The following LGALS3 variants were observed in gnomAD, a reference collection of about 807,000 sequenced individuals.
The protein encoded by LGALS3 is galectin 3, also known as galectin-3.
Under a neutral mutation model 20.7 loss-of-function variants are expected in LGALS3, and 18 were observed. The ratio of observed to expected loss-of-function variants is 0.87; its 90% CI spans 0.60 to 1.29. The LOEUF is 1.29. LGALS3 is among the 50% of genes most tolerant of loss of function. The pLI is 0.00. For synonymous variants in LGALS3, 112 were observed against 119.6 expected, an observed-to-expected ratio of 0.94 and a Z score of 0.42; for missense variants, 315 against 314.7, an observed-to-expected ratio of 1.00 and a Z score of -0.01.
intron 1 of LGALS3, 112 bp from the exon 2 acceptor site, chr14:55,137,258 G>A: frequency 2.0e-6 from 2 of 1,016,070 alleles, no homozygotes; most frequent in African/African-American, 1.6e-5. Context: ...ACTGACTTAG[G>A]CATAATGCCT....
At position 55,138,302 on chromosome 14, in the gene LGALS3, TGGACAGCCAAGTGCCACC is replaced by T. The variant is rs1881491471; in HGVS notation, c.280_297del (p.Gln94_Gly99del). 6.2e-7 allele frequency: 1 copy of T among 1,612,562 alleles called. No homozygotes were observed. ...GCGGCCCTGGGGCCTACCCATCTTC[TGGACAGCCAAGTGCCACC>T]GGAGCCTACCCTGCCACTGGCCCCT... On this transcript the variant is annotated inframe_deletion, in exon 3 of 6. Coordinates refer to ENST00000254301, the MANE Select transcript of LGALS3 (RefSeq NM_002306.4).
At chr14:55,131,016 T>C (rs893709297) in intron 1 of LGALS3, among the ~76,000 whole-genome samples, 1 of 152,228 alleles carries the variant, frequency 6.6e-6, no homozygotes, top group African/African-American at 2.4e-5. Flanking sequence ...GGTCTCTCAT[T>C]CTAAAGATGA....
chr14:55,140,520 A>G, intron 4 of LGALS3, 157 bp downstream of exon 4: 1 of 565,850 alleles, frequency 1.8e-6, no homozygotes, highest in Non-Finnish European at 3.1e-6. Context: ...CTATACCATC[A>G]TATAGGATTA....
At chr14:55,130,410 A>C (rs1194242344) in intron 1 of LGALS3, among the ~76,000 whole-genome samples, 3 of 152,104 alleles carry the variant, frequency 2.0e-5, no homozygotes, top group Non-Finnish European at 4.4e-5. Flanking sequence ...GACCTCAGTG[A>C]CTCAGGCTGT....
intron 5 of LGALS3, among the ~76,000 whole-genome samples, chr14:55,143,268 A>G (rs1881692247): frequency 6.6e-6 from 1 of 152,186 alleles, no homozygotes; most frequent in South Asian, 2.1e-4. Flanking sequence ...ATTTGTAAGC[A>G]CTGCTTCAAC....
At chr14:55,142,815 C>A in intron 5 of LGALS3, 66 bp downstream of exon 5, 1 of 1,331,126 alleles carries the variant, frequency 7.5e-7, no homozygotes, top group Non-Finnish European at 1.1e-6. Context: ...TCTAAAACCC[C>A]AAAGCACTTG....
intron 4 of LGALS3, among the ~76,000 whole-genome samples, chr14:55,141,344 TCTAC>T (rs754981636): frequency 6.6e-6 from 1 of 152,166 alleles, no homozygotes; most frequent in African/African-American, 2.4e-5. Flanking sequence ...ATATACATCC[TCTAC>T]CTATGTCCTT....
At chr14:55,138,530 G>T in intron 3 of LGALS3, 162 bp downstream of exon 3, 1 of 806,368 alleles carries the variant, frequency 1.2e-6, no homozygotes, top group Admixed American at 1.7e-5. Flanking sequence ...ATTGTGTGTG[G>T]TTAGTATAAA....
At position 55,130,757 on chromosome 14, in the gene LGALS3, G is replaced by C. The variant is rs982138173; in HGVS notation, c.-5+1457G>C. Among the ~76,000 whole-genome samples, 11 of 149,476 alleles carry C rather than the reference G, an allele frequency of 7.4e-5. No individual in the cohort carries two copies. In the South Asian group the frequency reaches 1.3e-3, roughly 17 times the overall value. Reference sequence around the variant, plus strand: ...TATTTTTCGTGGTGGTGGTGGTGGGGGGGGGGGGGTCCCTCCATGTTGGTC... The same window carrying C: ...TATTTTTCGTGGTGGTGGTGGTGGGCGGGGGGGGGTCCCTCCATGTTGGTC... On this transcript the variant is annotated intron_variant, in intron 1 of 5. Transcript: ENST00000254301.
rs754716493 is a variant in LGALS3, at chr14:55,137,353, A to C, written c.-4-17A>C. Reference sequence around the variant, plus strand: ...TGAAAGCTTTTAGGATAAAATGATAATCTTTGTTTCTTTCAGGAAAATGGC... The same window carrying C: ...TGAAAGCTTTTAGGATAAAATGATACTCTTTGTTTCTTTCAGGAAAATGGC... On this transcript the variant is annotated splice_polypyrimidine_tract_variant and intron_variant, in intron 1 of 5. Transcript: ENST00000254301. 5 of 1,612,164 alleles carry C rather than the reference A, an allele frequency of 3.1e-6. No individual in the cohort carries two copies. The South Asian group carries it at 5.5e-5, about 18-fold the overall frequency.
At position 55,131,859 on chromosome 14, in the gene LGALS3, ATTCC is replaced by A. The variant is rs1327389499; in HGVS notation, c.-5+2560_-5+2563del. Among the ~76,000 whole-genome samples, 8 of 152,314 alleles carry A rather than the reference ATTCC, an allele frequency of 5.3e-5. No individual in the cohort carries two copies. In the South Asian group the frequency reaches 1.7e-3, roughly 32 times the overall value. Reference sequence around the variant, plus strand: ...TCCTAGGAAAGGACCAGTTCCCCTTATTCCAACTTAGCATCACTGAATTTGTCTT... The same window carrying A: ...TCCTAGGAAAGGACCAGTTCCCCTTAAACTTAGCATCACTGAATTTGTCTT... On this transcript the variant is annotated intron_variant, in intron 1 of 5. Coordinates refer to ENST00000254301, the MANE Select transcript of LGALS3 (RefSeq NM_002306.4).
At position 55,138,250 on chromosome 14, in the gene LGALS3, C is replaced by T. The variant is rs749700607; in HGVS notation, c.224C>T (p.Ala75Val). 2 of 1,612,726 alleles carry T rather than the reference C, an allele frequency of 1.2e-6. No homozygotes were observed. Among genetic ancestry groups the T allele is most frequent in the Non-Finnish European group, 1.7e-6 (2 of 1,179,538 alleles). The change falls in exon 3 of 6, where the codon GCA (alanine) becomes GTA (valine). Residue 75 changes from alanine to valine, a missense_variant. Coordinates refer to ENST00000254301, the MANE Select transcript of LGALS3 (RefSeq NM_002306.4). ...CCTGGAGCTTATCCCGGAGCACCTG[C>T]ACCTGGAGTCTACCCAGGGCCACCC... is the stretch of plus-strand genomic sequence containing the variant. ...GAPGAYPGAP[A>V]PGVYPGPPSG...
chr14:55,133,974 T>G (rs1203246124), intron 1 of LGALS3, among the ~76,000 whole-genome samples: 1 of 152,238 alleles, frequency 6.6e-6, no homozygotes, highest in Non-Finnish European at 1.5e-5. Context: ...CGTGTGTACA[T>G]TCATGTAGGG....
intron 4 of LGALS3, among the ~76,000 whole-genome samples, chr14:55,140,633 A>C (rs1881588353): frequency 6.6e-6 from 1 of 152,306 alleles, no homozygotes; most frequent in East Asian, 1.9e-4. Context: ...GTATTATGTC[A>C]GCTAATCTTC....
intron 2 of LGALS3, 162 bp from the exon 3 acceptor site, chr14:55,137,881 GTC>G (rs1881460261): frequency 1.5e-6 from 2 of 1,318,400 alleles, no homozygotes; most frequent in Non-Finnish European, 1.9e-6. Flanking sequence ...TCTAATTTTA[GTC>G]TTAGAAACTC....
At chr14:55,139,939 G>A (rs1486259663) in intron 3 of LGALS3, among the ~76,000 whole-genome samples, 2 of 152,172 alleles carry the variant, frequency 1.3e-5, no homozygotes, top group East Asian at 3.9e-4. Flanking sequence ...AGTAAAGCAT[G>A]TACCATGACA....
At position 55,129,629 on chromosome 14, in the gene LGALS3, T is replaced by G. The variant is rs1171346623; in HGVS notation, c.-5+329T>G. Among the ~76,000 whole-genome samples the G allele has an allele frequency of 6.6e-6, 1 of 152,184 alleles. No individual in the cohort carries two copies. Among genetic ancestry groups the G allele is most frequent in the Non-Finnish European group, 1.5e-5 (1 of 68,022 alleles). ...TCGCCGCCGTCGCACCTCCGCCGCC[T>G]GCGCTCTGCGGCCCCAGAGTAAGCC... On this transcript the variant is annotated intron_variant, in intron 1 of 5. Transcript: ENST00000254301. The surrounding 1 kb of genome is among the most constrained non-coding windows in gnomAD (Gnocchi z 5.3).
In LGALS3 at chr14:55,129,628, C is replaced by G. The variant is rs976507675; in HGVS notation, c.-5+328C>G. ...TTCGCCGCCGTCGCACCTCCGCCGC[C>G]TGCGCTCTGCGGCCCCAGAGTAAGC... On this transcript the variant is annotated intron_variant, in intron 1 of 5. Coordinates refer to ENST00000254301, the MANE Select transcript of LGALS3 (RefSeq NM_002306.4). The surrounding 1 kb of genome is among the most constrained non-coding windows in gnomAD (Gnocchi z 5.3). Among the ~76,000 whole-genome samples, 1 of 152,232 alleles carries G rather than the reference C, an allele frequency of 6.6e-6. No individual in the cohort carries two copies. Among genetic ancestry groups the G allele is most frequent in the Non-Finnish European group, 1.5e-5 (1 of 68,040 alleles).
In LGALS3 at chr14:55,137,402, T is replaced by C. The variant is rs777071672; in HGVS notation, c.18+11T>C. On this transcript the variant is annotated intron_variant, in intron 2 of 5. Coordinates refer to ENST00000254301, the MANE Select transcript of LGALS3 (RefSeq NM_002306.4). ...GCAGACAATTTTTCGGTAAGTGTTT[T>C]ATGCCTGTTTCTTCCCCTTGATCAG... 3 of 1,614,258 alleles carry C rather than the reference T, an allele frequency of 1.9e-6. No homozygotes were observed. Among genetic ancestry groups the C allele is most frequent in the Non-Finnish European group, 2.5e-6 (3 of 1,180,026 alleles).
Sources: gnomAD v4.1 joint callset for allele counts (sites outside exome capture counted in the v4.1 genomes callset) on GRCh38, gnomAD v4.1.1 for gene constraint, Gnocchi (gnomAD v3.1) non-coding constraint, MANE v1.5 for transcripts, NCBI Gene and HGNC (gene_info 2026-07-23, HGNC 2026-07-21) for gene names.